PDZRN4: variants seen among roughly 807,000 people sequenced by gnomAD.
PDZRN4 encodes PDZ domain containing ring finger 4.
Under a neutral mutation model 99.0 loss-of-function variants are expected in PDZRN4, and 70 were observed. That is an observed-to-expected ratio of 0.71 (90% CI 0.58 to 0.86). The LOEUF (loss-of-function observed/expected upper bound fraction) is 0.86, where lower values mean the gene tolerates loss of function less well. PDZRN4 is among the 40% of genes least tolerant of loss of function. PDZRN4 has a pLI of 0.00. For missense variants in PDZRN4, 1,474 were observed against 1,331.2 expected (o/e 1.11, Z -1.67); for synonymous variants, 551 against 501.6 (o/e 1.10, Z -1.32).
rs1446131690 is a variant in PDZRN4, at chr12:41,307,816, C to T, written c.843+113628C>T. On this transcript the variant is annotated intron_variant, in intron 3 of 9. Coordinates refer to ENST00000402685, the MANE Select transcript of PDZRN4 (RefSeq NM_001164595.2). Reference sequence around the variant, plus strand: ...CACGTACTGATACCTTGTGATGTGTCAACCATTGGTATAATAGGTATGTTT... The same window carrying T: ...CACGTACTGATACCTTGTGATGTGTTAACCATTGGTATAATAGGTATGTTT... Among the ~76,000 whole-genome samples, 4 of 152,092 alleles carry T rather than the reference C, an allele frequency of 2.6e-5. No homozygotes were observed. In the East Asian group the frequency reaches 5.8e-4, roughly 22 times the overall value.
intron 3 of PDZRN4, chr12:41,477,933 T>C (rs1360527789): frequency 6.8e-7 from 1 of 1,471,640 alleles, no homozygotes; most frequent in Non-Finnish European, 9.2e-7. Context: ...AAGTATGGCA[T>C]TAAATTTATT....
chr12:41,296,777 T>C (rs1277610652), intron 3 of PDZRN4, among the ~76,000 whole-genome samples: 1 of 151,838 alleles, frequency 6.6e-6, no homozygotes, highest in Non-Finnish European at 1.5e-5. Flanking sequence ...CTGGGCAACA[T>C]GGCAAGACCT....
intron 3 of PDZRN4, among the ~76,000 whole-genome samples, chr12:41,490,695 C>T (rs368120093): frequency 5.0e-4 from 76 of 152,184 alleles, no homozygotes; most frequent in African/African-American, 1.7e-3. Flanking sequence ...GCTGGTTGCT[C>T]TTCAACATCC....
intron 3 of PDZRN4, among the ~76,000 whole-genome samples, chr12:41,411,069 T>TA (rs1952395813): frequency 1.4e-4 from 16 of 115,706 alleles, no homozygotes; most frequent in African/African-American, 4.6e-4. Flanking sequence ...ATATATATAT[T>TA]TTTTTTTTAT....
intron 3 of PDZRN4, among the ~76,000 whole-genome samples, chr12:41,350,534 A>C (rs1397921112): frequency 1.3e-5 from 2 of 152,164 alleles, no homozygotes; most frequent in African/African-American, 2.4e-5. Flanking sequence ...TAGTGAAAAA[A>C]TGCAAACAAT....
At position 41,400,049 on chromosome 12, in the gene PDZRN4, A is replaced by T. The variant is rs114493335; in HGVS notation, c.844-106407A>T. On this transcript the variant is annotated intron_variant, in intron 3 of 9. Transcript: ENST00000402685. ...TCTTTTAAACTTGGGCTATTGTGCA[A>T]CTTTTCAAAAGGGATATTGCAGCAG... Among the ~76,000 whole-genome samples, 891 of 152,230 alleles carry T rather than the reference A, an allele frequency of 5.9e-3. 8 individuals are homozygous for T. The highest frequency in any genetic ancestry group is 0.021 in the African/African-American group (862 of 41,554).
chr12:41,387,899 C>T (rs964029188), intron 3 of PDZRN4, among the ~76,000 whole-genome samples: 5 of 152,138 alleles, frequency 3.3e-5, no homozygotes, highest in Non-Finnish European at 7.4e-5. Flanking sequence ...ACAGAAATAC[C>T]ATTTGACCCA....
rs1489640108 is a variant in PDZRN4, at chr12:41,398,773, T to G, written c.844-107683T>G. On this transcript the variant is annotated intron_variant, in intron 3 of 9. Coordinates refer to ENST00000402685, the MANE Select transcript of PDZRN4 (RefSeq NM_001164595.2). ...TCATTTCTTTCATACCTGCTGTATGTAAATTATAATACAAGAGTTTTTATT... is the reference window on the plus strand; with the variant it reads ...TCATTTCTTTCATACCTGCTGTATGGAAATTATAATACAAGAGTTTTTATT... Among the ~76,000 whole-genome samples, 4 of 152,294 alleles carry G rather than the reference T, an allele frequency of 2.6e-5. No homozygotes were observed. In the South Asian group the frequency reaches 6.2e-4, roughly 24 times the overall value.
chr12:41,474,643 T>C (rs1437076116), intron 3 of PDZRN4, among the ~76,000 whole-genome samples: 1 of 152,192 alleles, frequency 6.6e-6, no homozygotes, highest in Non-Finnish European at 1.5e-5. Flanking sequence ...AGGATAATCA[T>C]CTATGCAAAG....
intron 6 of PDZRN4, among the ~76,000 whole-genome samples, chr12:41,555,182 G>T (rs1363263527): frequency 2.9e-5 from 4 of 139,180 alleles, no homozygotes; most frequent in African/African-American, 1.1e-4. Context: ...AGTGAGCGGA[G>T]ATGGCGCCAC....
At position 41,571,144 on chromosome 12, in the gene PDZRN4, T is replaced by C. The variant is rs564633489; in HGVS notation, c.1585-1220T>C. ...AGCTATATCTATACCTATCTATCTA[T>C]CTATATATATATATAGTGAATAAAC... On this transcript the variant is annotated intron_variant, in intron 9 of 9. Transcript: ENST00000402685. 2.6e-5 allele frequency among the ~76,000 whole-genome samples: 4 copies of C among 152,144 alleles called. 1 individual carries two copies. Among genetic ancestry groups the C allele is most frequent in the African/African-American group, 9.6e-5 (4 of 41,520 alleles).
intron 3 of PDZRN4, among the ~76,000 whole-genome samples, chr12:41,356,519 A>G (rs1331473315): frequency 6.6e-6 from 1 of 152,010 alleles, no homozygotes; most frequent in Non-Finnish European, 1.5e-5. Context: ...TTGACTAAGA[A>G]CCTAATGATG....
chr12:41,322,584 T>G (rs537767513), intron 3 of PDZRN4, among the ~76,000 whole-genome samples: 1 of 140,194 alleles, frequency 7.1e-6, no homozygotes, highest in South Asian at 2.5e-4. Flanking sequence ...TCCGCCTCCC[T>G]GGTTCACGCC....
At chr12:41,357,562 G>A (rs1001011076) in intron 3 of PDZRN4, among the ~76,000 whole-genome samples, 2 of 151,956 alleles carry the variant, frequency 1.3e-5, no homozygotes, top group Non-Finnish European at 2.9e-5. Flanking sequence ...GATATTGACA[G>A]CATATGAGTA....
rs148080528 is a variant in PDZRN4, at chr12:41,292,653, G to A, written c.843+98465G>A. Among the ~76,000 whole-genome samples, 161 of 151,980 alleles carry A rather than the reference G, an allele frequency of 1.1e-3. 6 individuals are homozygous for A. Among genetic ancestry groups the A allele is most frequent in the Admixed American group, 9.2e-3 (141 of 15,252 alleles). ...GCATGATATTATCTTGGCCATGCCTGGTAGCATGAGACTTCTTTTTAGTCT... is the reference window on the plus strand; with the variant it reads ...GCATGATATTATCTTGGCCATGCCTAGTAGCATGAGACTTCTTTTTAGTCT... On this transcript the variant is annotated intron_variant, in intron 3 of 9. Coordinates refer to ENST00000402685, the MANE Select transcript of PDZRN4 (RefSeq NM_001164595.2).
chr12:41,451,007 T>C (rs1426215057), intron 3 of PDZRN4, among the ~76,000 whole-genome samples: 1 of 151,772 alleles, frequency 6.6e-6, no homozygotes, highest in East Asian at 1.9e-4. Flanking sequence ...TTTTTTTAAG[T>C]TTTTTGGGGA....
At chr12:41,249,588 G>T (rs1951154987) in intron 3 of PDZRN4, among the ~76,000 whole-genome samples, 3 of 152,142 alleles carry the variant, frequency 2.0e-5, no homozygotes, top group Non-Finnish European at 4.4e-5. Flanking sequence ...GAACATAATT[G>T]TGATGCCCGG....
chr12:41,277,971 T>G (rs908027325), intron 3 of PDZRN4, among the ~76,000 whole-genome samples: 2 of 152,184 alleles, frequency 1.3e-5, no homozygotes, highest in African/African-American at 4.8e-5. Flanking sequence ...GGCAAAGAAT[T>G]TAAGGCTAAT....
intron 3 of PDZRN4, among the ~76,000 whole-genome samples, chr12:41,248,856 A>G (rs1951150567): frequency 6.6e-6 from 1 of 152,164 alleles, no homozygotes; most frequent in Non-Finnish European, 1.5e-5. Flanking sequence ...GCGTAATGTA[A>G]TTATCCCCAG....
Sources: allele counts gnomAD v4.1 joint callset (sites outside exome capture counted in the v4.1 genomes callset), GRCh38; gene constraint gnomAD v4.1.1; transcripts MANE v1.5; gene names NCBI Gene and HGNC (gene_info 2026-07-23, HGNC 2026-07-21).